KLB: variants seen among roughly 807,000 people sequenced by gnomAD.
KLB encodes klotho beta.
KLB carries 44 observed loss-of-function variants against 88.4 expected under a neutral mutation model. The observed-to-expected ratio is 0.50, with a 90% CI of 0.39 to 0.64. The LOEUF (loss-of-function observed/expected upper bound fraction) is 0.64, where lower values mean the gene tolerates loss of function less well. Ranked by LOEUF, KLB falls within the 30% of genes least tolerant of loss-of-function variation. The probability of loss-of-function intolerance (pLI) is 0.00; values close to 1 mark genes in which losing one functional copy is unlikely to be tolerated. For missense variants in KLB, 1,137 were observed against 1,304.8 expected, an observed-to-expected ratio of 0.87 and a Z score of 1.98; for synonymous variants, 548 against 513.4, an observed-to-expected ratio of 1.07 and a Z score of -0.91.
Position 39,423,691 on chromosome 4 carries a change from C to A in KLB, c.826-10519C>A, listed in dbSNP as rs545117838. Among the ~76,000 whole-genome samples, 31 of 151,868 alleles carry A rather than the reference C, an allele frequency of 2.0e-4. No homozygotes were observed. In the South Asian group the frequency reaches 6.2e-3, roughly 30 times the overall value. ...TGATCCATAATAGGCATTCATTCAACAAATATTCTAGGCCAGGCCCTCCCC... is the reference window on the plus strand; with the variant it reads ...TGATCCATAATAGGCATTCATTCAAAAAATATTCTAGGCCAGGCCCTCCCC... On this transcript the variant is annotated intron_variant, in intron 1 of 4. Coordinates refer to ENST00000257408, the MANE Select transcript of KLB (RefSeq NM_175737.4).
At chr4:39,445,684 G>GTTT (rs67319815) in intron 3 of KLB, among the ~76,000 whole-genome samples, 7,357 of 94,750 alleles carry the variant, frequency 0.078, 207 homozygotes, top group Non-Finnish European at 0.094. Flanking sequence ...TTGTTTTTTT[G>GTTT]TTTTTTTTTT....
chr4:39,435,326 C>T (rs1743450657), intron 2 of KLB, among the ~76,000 whole-genome samples: 1 of 151,622 alleles, frequency 6.6e-6, no homozygotes, highest in Non-Finnish European at 1.5e-5. Context: ...TCATGTTGGC[C>T]AGGCTGGTCT....
chr4:39,426,121 G>A (rs1041626967), intron 1 of KLB, among the ~76,000 whole-genome samples: 5 of 151,882 alleles, frequency 3.3e-5, no homozygotes, highest in Non-Finnish European at 7.4e-5. Context: ...GCGTGGTGTC[G>A]GGCACCTGTA....
At chr4:39,442,516 C>G (rs929494905) in intron 3 of KLB, among the ~76,000 whole-genome samples, 3 of 151,398 alleles carry the variant, frequency 2.0e-5, no homozygotes, top group African/African-American at 4.9e-5. Flanking sequence ...TTACTGCAAC[C>G]TCTGCCTCCC....
intron 3 of KLB, among the ~76,000 whole-genome samples, chr4:39,444,789 G>A (rs1743698626): frequency 6.6e-6 from 1 of 152,112 alleles, no homozygotes; most frequent in Non-Finnish European, 1.5e-5. Flanking sequence ...ATTATATACG[G>A]ATTTAACTTC....
chr4:39,437,439 G>T (rs879460369), intron 2 of KLB, among the ~76,000 whole-genome samples: 8 of 152,180 alleles, frequency 5.3e-5, no homozygotes, highest in Non-Finnish European at 1.2e-4. Flanking sequence ...CATGCCCTCT[G>T]ACACAGATTT....
chr4:39,432,821 T>C (rs560748283), intron 1 of KLB, among the ~76,000 whole-genome samples: 2 of 152,222 alleles, frequency 1.3e-5, no homozygotes, highest in Non-Finnish European at 2.9e-5. Context: ...ACGTGCTCTA[T>C]TCTGTGCTAC....
At chr4:39,421,310 A>G (rs1743077660) in intron 1 of KLB, among the ~76,000 whole-genome samples, 2 of 152,234 alleles carry the variant, frequency 1.3e-5, no homozygotes, top group Non-Finnish European at 2.9e-5. Flanking sequence ...GACAAATAAA[A>G]GTGACTTATC....
In KLB at chr4:39,448,545, A is replaced by G. The variant is rs762963431; in HGVS notation, c.2994A>G (p.Ile998Met). 6.2e-7 allele frequency: 1 copy of G among 1,614,228 alleles called. No individual in the cohort carries two copies. Among genetic ancestry groups the G allele is most frequent in the East Asian group, 2.2e-5 (1 of 44,876 alleles). ...CLFLVQKKPLIFLGCCFFSTL... is the reference protein window; with the variant it reads ...CLFLVQKKPLMFLGCCFFSTL... The stretch of plus-strand genomic sequence containing the variant: ...TCCTTGTGCAGAAGAAACCACTGAT[A>G]TTCCTGGGTTGTTGCTTCTTCTCCA... Residue 998 changes from isoleucine to methionine, a missense_variant, in exon 5 of 5, where the codon ATA (isoleucine) becomes ATG (methionine). Physicochemically the swap from Ile to Met is conservative, Grantham distance 10. Around this residue, in one of 4 missense-constraint regions of KLB, gnomAD observed 426 missense variants for 404.6 expected, o/e 1.05. Transcript: ENST00000257408.
In KLB at chr4:39,446,967, G is replaced by A. The variant is rs1743763606; in HGVS notation, c.2241G>A (p.Ala747=). The A allele has an allele frequency of 6.2e-7, 1 of 1,607,348 alleles. No individual in the cohort carries two copies. The highest frequency in any genetic ancestry group is 2.2e-5 in the East Asian group (1 of 44,876). ...AVSLSLHADW[A]EPANPYADSH... The stretch of plus-strand genomic sequence containing the variant: ...CGCTGTCGCTGCACGCGGACTGGGC[G>A]GAACCCGCCAACCCCTATGCTGACT... Residue 747 remains alanine (A), a synonymous_variant, in exon 4 of 5, where the codon GCG becomes GCA. Transcript: ENST00000257408. The surrounding 1 kb of genome is among the most constrained non-coding windows in gnomAD (Gnocchi z 6.4).
chr4:39,446,909 G>C lies in KLB; in HGVS notation c.2183G>C (p.Arg728Pro). The C allele has an allele frequency of 1.2e-6, 2 of 1,605,526 alleles. No homozygotes were observed. The highest frequency in any genetic ancestry group is 1.7e-6 in the Non-Finnish European group (2 of 1,179,098). Residue 728 changes from arginine to proline, a missense_variant, in exon 4 of 5, where the codon CGG becomes CCG. Transcript: ENST00000257408. This position sits in a 1 kb window ranked among gnomAD's most constrained non-coding sequence, Gnocchi z 6.4. ...AHALAWRLYDRQFRPSQRGAV... is the reference protein window; with the variant it reads ...AHALAWRLYDPQFRPSQRGAV... ...GCCCTGGCCTGGCGCCTCTACGACC[G>C]GCAGTTCAGGCCCTCACAGCGCGGG...
intron 2 of KLB, among the ~76,000 whole-genome samples, chr4:39,435,153 T>C (rs970382291): frequency 2.0e-5 from 3 of 151,446 alleles, no homozygotes; most frequent in African/African-American, 7.3e-5. Flanking sequence ...GGAGCCACTC[T>C]GTGGCCCAGG....
intron 1 of KLB, among the ~76,000 whole-genome samples, chr4:39,424,388 C>T (rs1743151890): frequency 6.6e-6 from 1 of 151,700 alleles, no homozygotes; most frequent in Non-Finnish European, 1.5e-5. Context: ...TTACTATAGC[C>T]TTAGAGTCCT....
intron 1 of KLB, among the ~76,000 whole-genome samples, chr4:39,430,943 G>A (rs1236400574): frequency 1.3e-5 from 2 of 150,144 alleles, no homozygotes; most frequent in South Asian, 2.1e-4. Flanking sequence ...CTGAGTCAGG[G>A]TGTCACTCTG....
chr4:39,446,296 G>C lies in KLB; in HGVS notation c.1606-36G>C. ...AGATCACTTGAGCCTCCATCTGCCA[G>C]CGCATGCTTGACCTAAATGAGCTTG... On this transcript the variant is annotated intron_variant, in intron 3 of 4. Transcript: ENST00000257408. This position sits in a 1 kb window ranked among gnomAD's most constrained non-coding sequence, Gnocchi z 6.4. 6.3e-7 allele frequency: 1 copy of C among 1,582,054 alleles called. No individual in the cohort carries two copies. Among genetic ancestry groups the C allele is most frequent in the South Asian group, 1.2e-5 (1 of 86,334 alleles).
chr4:39,425,438 A>AT (rs1008567866), intron 1 of KLB, among the ~76,000 whole-genome samples: 3 of 151,832 alleles, frequency 2.0e-5, no homozygotes, highest in South Asian at 2.1e-4. Flanking sequence ...TGTTAGAATA[A>AT]TTTTTTTTTA....
intron 1 of KLB, among the ~76,000 whole-genome samples, chr4:39,421,228 T>A (rs1743076189): frequency 6.6e-6 from 1 of 152,206 alleles, no homozygotes; most frequent in African/African-American, 2.4e-5. Flanking sequence ...GACTTGAATT[T>A]AAATAAATAA....
rs1157736600 is a variant in KLB, at chr4:39,406,946, G to T, written c.-4G>T. On this transcript the variant is annotated 5_prime_UTR_variant, in exon 1 of 5. Transcript: ENST00000257408. ...TGATAAGACAGTCCAGCAGTTGGTG[G>T]CAAATGAAGCCAGGCTGTGCGGCAG... 2 of 1,599,934 alleles carry T rather than the reference G, an allele frequency of 1.3e-6. No homozygotes were observed. The highest frequency in any genetic ancestry group is 1.7e-6 in the Non-Finnish European group (2 of 1,170,854).
At chr4:39,418,232 CTTGACAATATCTTTTTTATTTTTT>C (rs1431096287) in intron 1 of KLB, among the ~76,000 whole-genome samples, 1 of 152,016 alleles carries the variant, frequency 6.6e-6, no homozygotes, top group Non-Finnish European at 1.5e-5. Flanking sequence ...GAAGTGTGCC[CTTGACAATATCTTTTTTATTTTTT>C]TTGAAGAGTC....
Sources: gnomAD v4.1 joint callset for allele counts (sites outside exome capture counted in the v4.1 genomes callset) on GRCh38, gnomAD v4.1.1 for gene constraint, gnomAD v4.1.1 regional missense constraint, Gnocchi (gnomAD v3.1) non-coding constraint, MANE v1.5 for transcripts, NCBI Gene and HGNC (gene_info 2026-07-23, HGNC 2026-07-21) for gene names.